The following PTCD1 variants were observed in gnomAD, a reference collection of about 807,000 sequenced individuals.
PTCD1 encodes the protein pentatricopeptide repeat-containing protein 1, mitochondrial.
A neutral mutation model predicts 53.4 loss-of-function variants in PTCD1; 50 were observed. The ratio of observed to expected loss-of-function variants is 0.94; its 90% CI spans 0.75 to 1.19. The LOEUF (loss-of-function observed/expected upper bound fraction) is 1.19, where lower values mean the gene tolerates loss of function less well. Ranked by LOEUF, PTCD1 falls within the 50% of genes most tolerant of loss-of-function variation. The probability of loss-of-function intolerance (pLI) is 0.00; values close to 1 mark genes in which losing one functional copy is unlikely to be tolerated. For missense variants in PTCD1, 918 were observed against 904.8 expected (o/e 1.01, Z -0.19); for synonymous variants, 413 against 394.8 (o/e 1.05, Z -0.55).
Position 99,434,781 on chromosome 7 carries a change from GC to G in PTCD1, c.453+8del, listed in dbSNP as rs751293833. The stretch of plus-strand genomic sequence containing the variant: ...AGCCAGGAGCCACAGAACCCAAAGT[GC>G]CCCTTACCTTCCCTTCCTTGATCAG... On this transcript the variant is annotated splice_region_variant and intron_variant, in intron 2 of 7. Transcript: ENST00000292478. The G allele has an allele frequency of 4.5e-5, 72 of 1,613,774 alleles. No individual in the cohort carries two copies. The African/African-American group carries it at 8.4e-4, about 19-fold the overall frequency.
rs150026614 is a variant in PTCD1, at chr7:99,435,078, G to A, written c.165C>T (p.Leu55=). 169 of 1,610,692 alleles carry A rather than the reference G, an allele frequency of 1.0e-4. No homozygotes were observed. Among genetic ancestry groups the A allele is most frequent in the Middle Eastern group, 1.6e-4 (1 of 6,066 alleles). Residue 55 remains leucine (L), a synonymous_variant, in exon 2 of 8, where the codon CTC becomes CTT. Transcript: ENST00000292478. ...CCGTGTTTTCCTGACGCTCCTGGCC[G>A]AGGGGCAGCTGAGAGGAGGAGCTGC... ...PFSSSSSQLP[L]GQERQENTGS... is the part of the protein sequence containing the mutation.
intron 1 of PTCD1, among the ~76,000 whole-genome samples, chr7:99,437,800 G>A (rs187370697): frequency 3.9e-5 from 6 of 152,236 alleles, no homozygotes; most frequent in Non-Finnish European, 8.8e-5. Flanking sequence ...AAGTAGCTGG[G>A]ATTACAGGAA....
chr7:99,433,048 T>C (rs917434415), intron 3 of PTCD1: 5 of 624,494 alleles, frequency 8.0e-6, no homozygotes, highest in South Asian at 1.9e-5. Context: ...CTGTTTTTTT[T>C]TGAAGGGAAA....
rs1795715214 is a variant in PTCD1 at position 99,419,751 on chromosome 7, G to A, written c.*216C>T. 1 of 764,396 alleles carries A rather than the reference G, an allele frequency of 1.3e-6. No homozygotes were observed. Among genetic ancestry groups the A allele is most frequent in the Non-Finnish European group, 2.1e-6 (1 of 484,004 alleles). 47.4% of individuals were successfully genotyped at this position (764,396 alleles called of 1,614,324 possible). On this transcript the variant is annotated 3_prime_UTR_variant, in exon 8 of 8. Coordinates refer to ENST00000292478, the MANE Select transcript of PTCD1 (RefSeq NM_015545.4). ...AGGTAGCTGGAGCTGGAAGTCCCGT[G>A]AAGGTGACACGCAAAGGTGGCTGGA...
In PTCD1 at chr7:99,424,957, C is replaced by G; in HGVS notation, c.1575G>C (p.Thr525=). The change falls in exon 6 of 8, where the codon ACG becomes ACC. Residue 525 remains threonine (T), a synonymous_variant. Coordinates refer to ENST00000292478, the MANE Select transcript of PTCD1 (RefSeq NM_015545.4). Reference sequence around the variant, plus strand: ...CCAGCTTGCTCTTCTTTCTCACCAGCGTGTTAAAGAATGTCAGGTCGGCCT... The same window carrying G: ...CCAGCTTGCTCTTCTTTCTCACCAGGGTGTTAAAGAATGTCAGGTCGGCCT... ...QVEADLTFFN[T]LVRKKSKLGD... The G allele has an allele frequency of 1.2e-6, 2 of 1,614,256 alleles. No individual in the cohort carries two copies. Among genetic ancestry groups the G allele is most frequent in the Non-Finnish European group, 1.7e-6 (2 of 1,180,038 alleles).
chr7:99,429,909 C>T (rs1175314861), intron 3 of PTCD1, 103 bp from the exon 4 acceptor site: 5 of 1,411,034 alleles, frequency 3.5e-6, no homozygotes, highest in Non-Finnish European at 4.9e-6. Context: ...CCCGTCACTG[C>T]ATCCACCAGG....
At chr7:99,427,640 G>A (rs1190671672) in intron 5 of PTCD1, among the ~76,000 whole-genome samples, 3 of 152,056 alleles carry the variant, frequency 2.0e-5, no homozygotes, top group East Asian at 1.9e-4. Flanking sequence ...CATGATGACA[G>A]TGGCGGTTTT....
intron 7 of PTCD1, among the ~76,000 whole-genome samples, chr7:99,423,064 C>G (rs1442942330): frequency 6.6e-6 from 1 of 151,292 alleles, no homozygotes; most frequent in African/African-American, 2.4e-5. Context: ...TATTAAACTT[C>G]AGCTCTTAAC....
intron 4 of PTCD1, 126 bp downstream of exon 4, chr7:99,429,462 G>T: frequency 7.1e-7 from 1 of 1,406,436 alleles, no homozygotes; most frequent in Non-Finnish European, 9.9e-7. Context: ...GAACCCCAGG[G>T]CCCAATACCG....
chr7:99,417,984 C>G lies in PTCD1; in HGVS notation c.*1983G>C, dbSNP rs972078629. ...TACCATCACTATCTTTCCCGCCCCC[C>G]CAAGACGGAGTCTTGCTTTGTCGCC... On this transcript the variant is annotated 3_prime_UTR_variant, in exon 8 of 8. Coordinates refer to ENST00000292478, the MANE Select transcript of PTCD1 (RefSeq NM_015545.4). 243 of 1,174,092 alleles carry G rather than the reference C, an allele frequency of 2.1e-4. No homozygotes were observed. The East Asian group carries it at 5.0e-3, about 24-fold the overall frequency. The allele number at this position is 1,174,092 out of a possible 1,614,324, so 72.7% of individuals were successfully genotyped here.
chr7:99,437,072 G>T lies in PTCD1; in HGVS notation c.-27+1620C>A, dbSNP rs574946360. Among the ~76,000 whole-genome samples, 45 of 152,146 alleles carry T rather than the reference G, an allele frequency of 3.0e-4. 1 individual carries two copies. The East Asian group carries it at 8.1e-3, about 27-fold the overall frequency. On this transcript the variant is annotated intron_variant, in intron 1 of 7. Transcript: ENST00000292478. ...TGTAGAGATGGAGTCTCCCTATGTTGCCAGGCTGGTCTAGAACTCCTGGCC... is the reference window on the plus strand; with the variant it reads ...TGTAGAGATGGAGTCTCCCTATGTTTCCAGGCTGGTCTAGAACTCCTGGCC...
intron 4 of PTCD1, 73 bp downstream of exon 4, chr7:99,429,515 G>A: frequency 6.2e-7 from 1 of 1,605,848 alleles, no homozygotes; most frequent in South Asian, 1.1e-5. Context: ...AGGAGAGACA[G>A]ACACCACAGC....
At chr7:99,432,834 T>C (rs1481430916) in intron 3 of PTCD1, 4 of 231,304 alleles carry the variant, frequency 1.7e-5, no homozygotes, top group Non-Finnish European at 3.5e-5. Context: ...CTGAGGCGGA[T>C]GGCCAGGGGT....
At chr7:99,420,950 AAAAAAC>A (rs1343339612) in intron 7 of PTCD1, among the ~76,000 whole-genome samples, 1 of 152,066 alleles carries the variant, frequency 6.6e-6, no homozygotes, top group Non-Finnish European at 1.5e-5. Flanking sequence ...CCATCTCAAA[AAAAAAC>A]AAAAACAAAA....
intron 1 of PTCD1, among the ~76,000 whole-genome samples, chr7:99,438,148 GTA>G (rs1440824346): frequency 3.3e-5 from 5 of 152,150 alleles, no homozygotes; most frequent in South Asian, 2.1e-4. Context: ...GAATTAGGCT[GTA>G]TAGTGGCTCA....
rs761867510 is a variant in PTCD1, at chr7:99,425,185, G to C, written c.1347C>G (p.Pro449=). 7.5e-5 allele frequency: 121 copies of C among 1,613,392 alleles called. No homozygotes were observed. Among genetic ancestry groups the C allele is most frequent in the South Asian group, 1.8e-4 (16 of 91,078 alleles). Residue 449 remains proline, a synonymous_variant, in exon 6 of 8, where the codon CCC becomes CCG. Transcript: ENST00000292478. ...EVNLLTPGAV[P]PTVVSFGTVT... ...CCGTTCCAAAGGAGACCACTGTAGGGGGAACGGCCCCGGGGGTCAGGAGGT... is the reference window on the plus strand; with the variant it reads ...CCGTTCCAAAGGAGACCACTGTAGGCGGAACGGCCCCGGGGGTCAGGAGGT...
chr7:99,425,537 C>A lies in PTCD1; in HGVS notation c.995G>T (p.Cys332Phe), dbSNP rs773271981. ...GGCCACCTGGGGGTCCCCTAGGCCA[C>A]AGTCCCGAGCTGCCACCAACAGCAG... ...YNLLLVAARD[C>F]GLGDPQVASE... Residue 332 changes from cysteine to phenylalanine, a missense_variant, in exon 6 of 8, where the codon TGT becomes TTT. Coordinates refer to ENST00000292478, the MANE Select transcript of PTCD1 (RefSeq NM_015545.4). The A allele has an allele frequency of 1.2e-6, 2 of 1,612,524 alleles. No individual in the cohort carries two copies. Among genetic ancestry groups the A allele is most frequent in the Non-Finnish European group, 1.7e-6 (2 of 1,179,782 alleles).
Position 99,424,004 on chromosome 7 carries a change from G to A in PTCD1, c.1738-47C>T, listed in dbSNP as rs778422929. 22 of 1,597,996 alleles carry A rather than the reference G, an allele frequency of 1.4e-5. 1 individual carries two copies. The South Asian group carries it at 2.4e-4, about 17-fold the overall frequency. ...GAATCAAGATGATGGCAGCCATTGG[G>A]ACCCAGCAGCTCCCACCCTCTGTCA... On this transcript the variant is annotated intron_variant, in intron 6 of 7. Transcript: ENST00000292478.
Position 99,425,350 on chromosome 7 carries a change from C to T in PTCD1, c.1182G>A (p.Gln394=). The change falls in exon 6 of 8, where the codon CAG becomes CAA. Residue 394 remains glutamine (Q), a synonymous_variant. Coordinates refer to ENST00000292478, the MANE Select transcript of PTCD1 (RefSeq NM_015545.4). ...LERQLFLEPS[Q]ALGPPEPPEA... is the part of the protein sequence containing the mutation. Reference sequence around the variant, plus strand: ...CCGGAGGCTCTGGAGGCCCAAGTGCCTGAGAAGGTTCCAGAAACAGCTGCC... The same window carrying T: ...CCGGAGGCTCTGGAGGCCCAAGTGCTTGAGAAGGTTCCAGAAACAGCTGCC... 2 of 1,614,206 alleles carry T rather than the reference C, an allele frequency of 1.2e-6. No homozygotes were observed. Among genetic ancestry groups the T allele is most frequent in the Non-Finnish European group, 1.7e-6 (2 of 1,180,038 alleles).
Sources: allele counts gnomAD v4.1 joint callset (sites outside exome capture counted in the v4.1 genomes callset), GRCh38; gene constraint gnomAD v4.1.1; transcripts MANE v1.5; gene names NCBI Gene and HGNC (gene_info 2026-07-23, HGNC 2026-07-21).